Variants in KCTD8 observed in about 807,000 individuals in gnomAD.
KCTD8 encodes the protein potassium channel tetramerization domain containing 8, also known as BTB/POZ domain-containing protein KCTD8.
KCTD8 carries 27 observed loss-of-function variants against 31.5 expected under a neutral mutation model. That is an observed-to-expected ratio of 0.86 (90% confidence interval 0.63 to 1.18). The LOEUF is 1.18. Ranked by LOEUF, KCTD8 falls within the 50% of genes most tolerant of loss-of-function variation. The pLI, the probability that KCTD8 is intolerant of heterozygous loss-of-function variation, is 0.00. For synonymous variants in KCTD8, 290 were observed against 280.0 expected, an observed-to-expected ratio of 1.04 and a Z score of -0.36; for missense variants, 658 against 647.7, an observed-to-expected ratio of 1.02 and a Z score of -0.17.
intron 1 of KCTD8, among the ~76,000 whole-genome samples, chr4:44,439,905 T>C (rs934664446): frequency 9.7e-6 from 1 of 103,252 alleles, no homozygotes; most frequent in Non-Finnish European, 1.6e-5. Flanking sequence ...TTTATTTTTA[T>C]TTATTTATTT....
rs1367636361 is a variant in KCTD8 at position 44,317,271 on chromosome 4, C to T, written c.961+130292G>A. On this transcript the variant is annotated intron_variant, in intron 1 of 1. Coordinates refer to ENST00000360029, the MANE Select transcript of KCTD8 (RefSeq NM_198353.3). ...TTTTTGAGACGGAGTCTCGCTCTGT[C>T]GCCCAGGCCGGACTGCGGACTGCAG... 2.3e-4 allele frequency among the ~76,000 whole-genome samples: 15 copies of T among 64,318 alleles called. No homozygotes were observed. In the Admixed American group the frequency reaches 2.5e-3, roughly 11 times the overall value. The allele number at this position is 64,318 out of a possible 152,430, so 42.2% of individuals were successfully genotyped here.
chr4:44,335,951 C>A (rs1278324867), intron 1 of KCTD8, among the ~76,000 whole-genome samples: 2 of 151,198 alleles, frequency 1.3e-5, no homozygotes, highest in African/African-American at 4.8e-5. Flanking sequence ...GAGATTGAGA[C>A]CATCCTGGCT....
chr4:44,203,677 G>T (rs1714217711), intron 1 of KCTD8, among the ~76,000 whole-genome samples: 1 of 151,478 alleles, frequency 6.6e-6, no homozygotes, highest in Admixed American at 6.6e-5. Flanking sequence ...AAGATGAAAA[G>T]CTTTCTGTTG....
intron 1 of KCTD8, among the ~76,000 whole-genome samples, chr4:44,226,544 G>T (rs1426054092): frequency 6.6e-6 from 1 of 152,086 alleles, no homozygotes; most frequent in Non-Finnish European, 1.5e-5. Flanking sequence ...ATAATCCTTT[G>T]GGTACATACA....
At chr4:44,431,400 T>G (rs1180115419) in intron 1 of KCTD8, among the ~76,000 whole-genome samples, 1 of 151,504 alleles carries the variant, frequency 6.6e-6, no homozygotes, top group East Asian at 1.9e-4. Flanking sequence ...TCTTACTTAT[T>G]TTGTTTCCCC....
chr4:44,261,864 A>G (rs1474923044), intron 1 of KCTD8, among the ~76,000 whole-genome samples: 1 of 152,098 alleles, frequency 6.6e-6, no homozygotes, highest in East Asian at 1.9e-4. Flanking sequence ...CCATTTCACA[A>G]TGCATATGCA....
chr4:44,322,778 G>A (rs1718329850), intron 1 of KCTD8, among the ~76,000 whole-genome samples: 1 of 151,966 alleles, frequency 6.6e-6, no homozygotes, highest in South Asian at 2.1e-4. Flanking sequence ...GTTGAAAGAT[G>A]GAGATCCATT....
At chr4:44,267,882 T>G (rs546988516) in intron 1 of KCTD8, among the ~76,000 whole-genome samples, 63 of 152,208 alleles carry the variant, frequency 4.1e-4, no homozygotes, top group East Asian at 1.2e-3. Context: ...AACAGGCTCT[T>G]AAATTGTGGC....
At chr4:44,269,637 C>T (rs1038782532) in intron 1 of KCTD8, among the ~76,000 whole-genome samples, 1 of 152,108 alleles carries the variant, frequency 6.6e-6, no homozygotes, top group Non-Finnish European at 1.5e-5. Context: ...TCGCAACCTA[C>T]TCATCTGAAA....
At chr4:44,285,663 C>A (rs1284519120) in intron 1 of KCTD8, among the ~76,000 whole-genome samples, 1 of 152,046 alleles carries the variant, frequency 6.6e-6, no homozygotes, top group Non-Finnish European at 1.5e-5. Flanking sequence ...CTTAGTTACT[C>A]AAGAGCTCTG....
intron 1 of KCTD8, among the ~76,000 whole-genome samples, chr4:44,313,902 G>T (rs1718025852): frequency 1.3e-5 from 2 of 152,186 alleles, no homozygotes; most frequent in Non-Finnish European, 2.9e-5. Flanking sequence ...AGCCTGTAAG[G>T]CATATCTGCC....
intron 1 of KCTD8, among the ~76,000 whole-genome samples, chr4:44,351,058 A>G (rs762383631): frequency 2.0e-5 from 3 of 152,112 alleles, no homozygotes; most frequent in Non-Finnish European, 4.4e-5. Flanking sequence ...CCTGACCTCC[A>G]TCTATAAAGG....
intron 1 of KCTD8, among the ~76,000 whole-genome samples, chr4:44,446,750 T>A (rs985219372): frequency 6.6e-6 from 1 of 152,122 alleles, no homozygotes; most frequent in South Asian, 2.1e-4. Flanking sequence ...GGAAACACAA[T>A]CATTCTCTCT....
At chr4:44,263,522 C>A (rs1020355015) in intron 1 of KCTD8, among the ~76,000 whole-genome samples, 1 of 151,880 alleles carries the variant, frequency 6.6e-6, no homozygotes, top group Non-Finnish European at 1.5e-5. Context: ...GATTATTATA[C>A]AATTTAGTAT....
intron 1 of KCTD8, among the ~76,000 whole-genome samples, chr4:44,265,764 G>T (rs971784329): frequency 1.6e-4 from 25 of 152,146 alleles, no homozygotes; most frequent in Non-Finnish European, 2.9e-4. Context: ...CTCAGGAGCC[G>T]ACGCAATCAA....
Position 44,303,551 on chromosome 4 carries a change from C to T in KCTD8, c.962-128301G>A, listed in dbSNP as rs182250557. Among the ~76,000 whole-genome samples, 10 of 152,206 alleles carry T rather than the reference C, an allele frequency of 6.6e-5. No homozygotes were observed. In the East Asian group the frequency reaches 1.9e-3, roughly 29 times the overall value. On this transcript the variant is annotated intron_variant, in intron 1 of 1. Coordinates refer to ENST00000360029, the MANE Select transcript of KCTD8 (RefSeq NM_198353.3). ...TTAAATAAGGCCAGGCATGGTGGCT[C>T]ATTCCTGTAATCCCAGTACTTTGGG...
At chr4:44,266,603 T>C (rs1473778844) in intron 1 of KCTD8, among the ~76,000 whole-genome samples, 1 of 150,936 alleles carries the variant, frequency 6.6e-6, no homozygotes, top group Non-Finnish European at 1.5e-5. Flanking sequence ...ACTGGCAAAT[T>C]GGATAAAGAG....
In KCTD8 at chr4:44,447,649, G is replaced by T. The variant is rs746110451; in HGVS notation, c.875C>A (p.Ala292Glu). 4 of 1,610,790 alleles carry T rather than the reference G, an allele frequency of 2.5e-6. No homozygotes were observed. The South Asian group carries it at 4.4e-5, about 18-fold the overall frequency. Residue 292 changes from alanine (A) to glutamate (E), a missense_variant, in exon 1 of 2, where the codon GCG becomes GAG. By Grantham distance (107) the Ala-to-Glu change is moderately radical. Coordinates refer to ENST00000360029, the MANE Select transcript of KCTD8 (RefSeq NM_198353.3). ...GGCGGCGGTGCCCGAGGAGTTACAC[G>T]CCACCATGTGGAAGCCGGCCTCGGA... The part of the protein sequence containing the change: ...RLSEAGFHMV[A>E]CNSSGTAAFV...
chr4:44,384,056 A>G (rs886785130), intron 1 of KCTD8, among the ~76,000 whole-genome samples: 5 of 151,972 alleles, frequency 3.3e-5, no homozygotes, highest in Non-Finnish European at 7.4e-5. Flanking sequence ...AAGTATATTT[A>G]AAAAATGCTC....
Sources: gnomAD v4.1 joint callset for allele counts (sites outside exome capture counted in the v4.1 genomes callset) on GRCh38, gnomAD v4.1.1 for gene constraint, MANE v1.5 for transcripts, NCBI Gene and HGNC (gene_info 2026-07-23, HGNC 2026-07-21) for gene names.